Variants in CDC16 observed in about 807,000 individuals in gnomAD.
CDC16 encodes the protein cell division cycle protein 16 homolog.
Under a neutral mutation model 87.0 loss-of-function variants are expected in CDC16, and 34 were observed. The observed-to-expected ratio is 0.39, with a 90% confidence interval of 0.30 to 0.52. The LOEUF (loss-of-function observed/expected upper bound fraction) is 0.52. Among genes scored for constraint, CDC16 ranks in the 20% least tolerant of loss-of-function variants. The pLI is 0.74. For synonymous variants in CDC16, 263 were observed against 260.6 expected, an observed-to-expected ratio of 1.01 and a Z score of -0.09; for missense variants, 653 against 751.9, an observed-to-expected ratio of 0.87 and a Z score of 1.54.
chr13:114,236,840 C>A lies in CDC16; in HGVS notation c.145C>A (p.Leu49Met), dbSNP rs769100748. 1.2e-5 allele frequency: 19 copies of A among 1,611,816 alleles called. No homozygotes were observed. The highest frequency in any genetic ancestry group is 8.4e-5 in the Admixed American group (5 of 59,452). ...DIYWLAQCLY[L>M]TAQYHRAAHA... ...CTATTGGTTGGCTCAGTGTCTTTAC[C>A]TGACAGCACAATATCACAGAGCCGC... is the stretch of plus-strand genomic sequence containing the variant. Residue 49 changes from leucine (L) to methionine (M), a missense_variant, in exon 3 of 18, where the codon CTG becomes ATG. Coordinates refer to ENST00000356221, the MANE Select transcript of CDC16 (RefSeq NM_001078645.3).
At chr13:114,249,206 T>A (rs1417291945) in intron 11 of CDC16, among the ~76,000 whole-genome samples, 1 of 151,284 alleles carries the variant, frequency 6.6e-6, no homozygotes, top group Non-Finnish European at 1.5e-5. Context: ...GCCACCTAGA[T>A]CCCTCACATG....
chr13:114,235,958 C>T (rs1414808843), intron 1 of CDC16, among the ~76,000 whole-genome samples: 1 of 152,156 alleles, frequency 6.6e-6, no homozygotes. Context: ...ATAACTATCC[C>T]GTTGGCATTC....
At chr13:114,254,466 T>G (rs9590500) in intron 12 of CDC16, among the ~76,000 whole-genome samples, 46,731 of 152,024 alleles carry the variant, frequency 0.31, 8,749 homozygotes, top group African/African-American at 0.53. Flanking sequence ...TTAATACCAA[T>G]TTAATTTTAA....
At position 114,234,941 on chromosome 13, in the gene CDC16, T is replaced by G; in HGVS notation, c.-144T>G. 4.1e-6 allele frequency: 2 copies of G among 487,242 alleles called. No individual in the cohort carries two copies. Among genetic ancestry groups the G allele is most frequent in the Non-Finnish European group, 6.5e-6 (2 of 309,378 alleles). 30.2% of individuals were successfully genotyped at this position (487,242 alleles called of 1,614,324 possible). A position where few individuals can be genotyped will look rare whatever the true frequency, so the allele number is the denominator to read the frequency against. On this transcript the variant is annotated 5_prime_UTR_variant, in exon 1 of 18. Transcript: ENST00000356221. ...GGGGGTGCGGGTGTGGGTGGGGACC[T>G]GCGGCCTTCGAGTCCGCGGCCTTCG...
At chr13:114,268,317 A>G (rs1238105031) in intron 17 of CDC16, among the ~76,000 whole-genome samples, 1 of 152,258 alleles carries the variant, frequency 6.6e-6, no homozygotes, top group Non-Finnish European at 1.5e-5. Context: ...GAAGGTCTTC[A>G]CTACAAGTTG....
chr13:114,242,380 A>C (rs1409045052), intron 6 of CDC16, 100 bp downstream of exon 6: 1 of 1,012,780 alleles, frequency 9.9e-7, no homozygotes, highest in African/African-American at 1.6e-5. Context: ...GGCCACATAC[A>C]GGTTTAAATA....
intron 12 of CDC16, among the ~76,000 whole-genome samples, chr13:114,255,865 C>T (rs1441034666): frequency 6.6e-6 from 1 of 152,194 alleles, no homozygotes; most frequent in Non-Finnish European, 1.5e-5. Flanking sequence ...CTCCTGGGCT[C>T]AAGCATTCCT....
intron 3 of CDC16, among the ~76,000 whole-genome samples, chr13:114,238,208 G>A (rs1374574717): frequency 6.7e-6 from 1 of 148,472 alleles, no homozygotes; most frequent in African/African-American, 2.6e-5. Flanking sequence ...CACACTGAGG[G>A]CCTGAAGTGG....
intron 13 of CDC16, 138 bp downstream of exon 13, chr13:114,257,368 G>T (rs767226123): frequency 8.6e-5 from 51 of 590,752 alleles, no homozygotes; most frequent in Non-Finnish European, 1.2e-4. Context: ...GAAGGAGATA[G>T]AAAAAAAAGA....
At chr13:114,257,584 GT>G (rs2139073426) in intron 13 of CDC16, among the ~76,000 whole-genome samples, 1 of 152,102 alleles carries the variant, frequency 6.6e-6, no homozygotes, top group African/African-American at 2.4e-5. Flanking sequence ...ATTTGACATG[GT>G]TTTTGAAACA....
intron 12 of CDC16, 98 bp downstream of exon 12, chr13:114,250,772 AAC>A (rs1281704928): frequency 1.0e-5 from 12 of 1,179,296 alleles, no homozygotes; most frequent in Non-Finnish European, 1.4e-5. Flanking sequence ...TGCTAAACTA[AAC>A]ACAAACATTT....
chr13:114,265,322 C>T (rs1042829686), intron 17 of CDC16, 82 bp downstream of exon 17: 7 of 875,258 alleles, frequency 8.0e-6, no homozygotes, highest in Admixed American at 1.8e-5. Flanking sequence ...CTCATATTCT[C>T]GTCTGAGGTT....
rs187765832 is a variant in CDC16, at chr13:114,252,430, A to G, written c.1097+1756A>G. 2.0e-3 allele frequency among the ~76,000 whole-genome samples: 304 copies of G among 152,318 alleles called. 2 individuals are homozygous for G. Among genetic ancestry groups the G allele is most frequent in the Non-Finnish European group, 2.8e-3 (193 of 68,020 alleles). ...TATGAATTTGGGGGGCAGAGGGGACACAAACAGTCCATAGCACTAATATAT... is the reference window on the plus strand; with the variant it reads ...TATGAATTTGGGGGGCAGAGGGGACGCAAACAGTCCATAGCACTAATATAT... On this transcript the variant is annotated intron_variant, in intron 12 of 17. Coordinates refer to ENST00000356221, the MANE Select transcript of CDC16 (RefSeq NM_001078645.3).
At chr13:114,249,483 G>A (rs926937425) in intron 11 of CDC16, among the ~76,000 whole-genome samples, 17 of 152,148 alleles carry the variant, frequency 1.1e-4, no homozygotes, top group African/African-American at 3.4e-4. Flanking sequence ...TGCTCTACAT[G>A]AAACAGGTAA....
At chr13:114,271,140 C>T (rs1346443013) in intron 17 of CDC16, among the ~76,000 whole-genome samples, 1 of 152,012 alleles carries the variant, frequency 6.6e-6, no homozygotes, top group African/African-American at 2.4e-5. Flanking sequence ...CCAGGATGGT[C>T]TCGATCTCCT....
At chr13:114,246,890 C>G in intron 10 of CDC16, 41 bp from the exon 11 acceptor site, 2 of 1,240,666 alleles carry the variant, frequency 1.6e-6, no homozygotes, top group Non-Finnish European at 2.4e-6. Flanking sequence ...TTAGATATTC[C>G]AATTCCAATC....
intron 17 of CDC16, among the ~76,000 whole-genome samples, chr13:114,266,786 C>T (rs2083248312): frequency 6.6e-6 from 1 of 152,060 alleles, no homozygotes; most frequent in Non-Finnish European, 1.5e-5. Context: ...CTCCCCCTCA[C>T]CGGGGTTCAT....
Position 114,244,898 on chromosome 13 carries a change from A to G in CDC16, c.776A>G (p.Glu259Gly), listed in dbSNP as rs1226999066. 1 of 1,609,760 alleles carries G rather than the reference A, an allele frequency of 6.2e-7. No individual in the cohort carries two copies. Reference sequence around the variant, plus strand: ...GTCGCTTTAACTTTCAGAGTAATGGAGAAAGATCCTTTCCATGCAAGTTGT... The same window carrying G: ...GTCGCTTTAACTTTCAGAGTAATGGGGAAAGATCCTTTCCATGCAAGTTGT... ...MCYKLTSVVMEKDPFHASCLP... is the reference protein window; with the variant it reads ...MCYKLTSVVMGKDPFHASCLP... The change falls in exon 9 of 18, where the codon GAG (glutamate) becomes GGG (glycine). Residue 259 changes from glutamate to glycine, a missense_variant. Coordinates refer to ENST00000356221, the MANE Select transcript of CDC16 (RefSeq NM_001078645.3).
intron 17 of CDC16, among the ~76,000 whole-genome samples, chr13:114,267,014 A>AG (rs920462420): frequency 6.6e-6 from 1 of 152,094 alleles, no homozygotes; most frequent in Non-Finnish European, 1.5e-5. Flanking sequence ...TGAATCTTAC[A>AG]GGGGGCTGTG....
Sources: gnomAD v4.1 joint callset for allele counts (sites outside exome capture counted in the v4.1 genomes callset) on GRCh38, gnomAD v4.1.1 for gene constraint, MANE v1.5 for transcripts, NCBI Gene and HGNC (gene_info 2026-07-23, HGNC 2026-07-21) for gene names.